IFT80: variants seen among roughly 807,000 people sequenced by gnomAD.
IFT80 encodes intraflagellar transport protein 80 homolog.
Under a neutral mutation model 107.9 loss-of-function variants are expected in IFT80, and 79 were observed. The observed-to-expected ratio is 0.73, with a 90% CI of 0.61 to 0.88. IFT80 has a LOEUF of 0.88. Ranked by LOEUF, IFT80 falls within the 40% of genes least tolerant of loss-of-function variation. The pLI is 0.00. For synonymous variants in IFT80, 299 were observed against 300.9 expected (o/e 0.99, Z 0.07); for missense variants, 797 against 914.2 (o/e 0.87, Z 1.65).
At chr3:160,363,180 C>A (rs968881396) in intron 6 of IFT80, among the ~76,000 whole-genome samples, 5 of 152,154 alleles carry the variant, frequency 3.3e-5, no homozygotes, top group Non-Finnish European at 7.4e-5. Context: ...TCTCAGGATA[C>A]AAAATCAGTA....
At chr3:160,266,721 T>C (rs1160410965) in intron 19 of IFT80, among the ~76,000 whole-genome samples, 1 of 152,150 alleles carries the variant, frequency 6.6e-6, no homozygotes, top group Non-Finnish European at 1.5e-5. Flanking sequence ...GTATCAAATG[T>C]GAATATTGAA....
Position 160,258,334 on chromosome 3 carries a change from A to T in IFT80, c.*191T>A. On this transcript the variant is annotated 3_prime_UTR_variant, in exon 20 of 20. Coordinates refer to ENST00000326448, the MANE Select transcript of IFT80 (RefSeq NM_020800.3). ...ATTTTGCTAATTATTGGACTAAAAAATATAAAAGATAGAAATACATCAATT... is the reference window on the plus strand; with the variant it reads ...ATTTTGCTAATTATTGGACTAAAAATTATAAAAGATAGAAATACATCAATT... 1.4e-6 allele frequency: 1 copy of T among 713,450 alleles called. No individual in the cohort carries two copies. The highest frequency in any genetic ancestry group is 2.3e-6 in the Non-Finnish European group (1 of 439,926). The allele number at this position is 713,450 out of a possible 1,614,324, so 44.2% of individuals were successfully genotyped here. A position where few individuals can be genotyped will look rare whatever the true frequency, so the allele number is the denominator to read the frequency against.
chr3:160,298,776 T>C (rs1217500587), intron 12 of IFT80, among the ~76,000 whole-genome samples: 1 of 152,168 alleles, frequency 6.6e-6, no homozygotes, highest in Non-Finnish European at 1.5e-5. Context: ...TGATATAGCC[T>C]ATTGCTACTA....
intron 12 of IFT80, among the ~76,000 whole-genome samples, chr3:160,291,877 T>A (rs1361717260): frequency 6.6e-6 from 1 of 152,190 alleles, no homozygotes; most frequent in Non-Finnish European, 1.5e-5. Context: ...TACCTCAGGA[T>A]GCCTGCTTGA....
At chr3:160,307,523 G>A (rs537785092) in intron 10 of IFT80, 140 bp downstream of exon 10, 4 of 708,774 alleles carry the variant, frequency 5.6e-6, no homozygotes, top group Admixed American at 2.0e-5. Flanking sequence ...TCTCACTTCC[G>A]GGTTTGAGGT....
rs542463258 is a variant in IFT80 at position 160,349,006 on chromosome 3, G to A, written c.777+7007C>T. Among the ~76,000 whole-genome samples, 4 of 152,232 alleles carry A rather than the reference G, an allele frequency of 2.6e-5. No individual in the cohort carries two copies. The East Asian group carries it at 7.7e-4, about 29-fold the overall frequency. Reference sequence around the variant, plus strand: ...GAAAATGTTCTAAAATTAGAGTTTTGTAACGGTTGCACAACCCTATGAATA... The same window carrying A: ...GAAAATGTTCTAAAATTAGAGTTTTATAACGGTTGCACAACCCTATGAATA... On this transcript the variant is annotated intron_variant, in intron 8 of 19. Transcript: ENST00000326448.
chr3:160,289,468 G>A (rs571795356), intron 12 of IFT80, among the ~76,000 whole-genome samples: 5 of 152,220 alleles, frequency 3.3e-5, no homozygotes, highest in African/African-American at 1.2e-4. Flanking sequence ...GTTTTATTTG[G>A]TTGTTTTTTA....
At position 160,303,269 on chromosome 3, in the gene IFT80, T is replaced by A. The variant is rs551742421; in HGVS notation, c.1151+646A>T. Among the ~76,000 whole-genome samples, 144 of 152,346 alleles carry A rather than the reference T, an allele frequency of 9.5e-4. 2 individuals carry two copies. Among genetic ancestry groups the A allele is most frequent in the Admixed American group, 2.3e-3 (35 of 15,300 alleles). The stretch of plus-strand genomic sequence containing the variant: ...TAAGTCCTCCTCTGATTCAGTAGGC[T>A]ATCACTGTACTCAAGAGACTAATTG... On this transcript the variant is annotated intron_variant, in intron 11 of 19. Transcript: ENST00000326448.
intron 12 of IFT80, among the ~76,000 whole-genome samples, chr3:160,297,485 T>C (rs1395278858): frequency 2.6e-5 from 4 of 152,064 alleles, no homozygotes; most frequent in African/African-American, 9.7e-5. Flanking sequence ...TAACATGAAA[T>C]TTAATTCCAG....
intron 9 of IFT80, among the ~76,000 whole-genome samples, chr3:160,310,995 GAC>G (rs1717203248): frequency 6.6e-6 from 1 of 152,096 alleles, no homozygotes; most frequent in South Asian, 2.1e-4. Flanking sequence ...TGTGGTGGCA[GAC>G]ACCTGTGGTC....
At chr3:160,285,733 A>G in intron 13 of IFT80, 71 bp downstream of exon 13, 2 of 1,039,936 alleles carry the variant, frequency 1.9e-6, no homozygotes, top group Non-Finnish European at 2.9e-6. Context: ...CTTTAAAATG[A>G]AAACATTAAT....
chr3:160,272,891 C>T (rs1327215671), intron 18 of IFT80, among the ~76,000 whole-genome samples: 1 of 152,184 alleles, frequency 6.6e-6, no homozygotes, highest in Non-Finnish European at 1.5e-5. Flanking sequence ...CTGTTCTATA[C>T]ACATATTCAA....
chr3:160,368,160 T>C (rs912984976), intron 5 of IFT80, among the ~76,000 whole-genome samples: 1 of 151,836 alleles, frequency 6.6e-6, no homozygotes, highest in Non-Finnish European at 1.5e-5. Context: ...AATTTAATTG[T>C]TTATTCAAAT....
At chr3:160,380,242 G>C (rs1188324257) in intron 3 of IFT80, among the ~76,000 whole-genome samples, 2 of 151,750 alleles carry the variant, frequency 1.3e-5, no homozygotes, top group Non-Finnish European at 2.9e-5. Flanking sequence ...TCATCATGTT[G>C]CTCAGGCTGG....
rs752430715 is a variant in IFT80, at chr3:160,307,789, A to G, written c.958-8T>C. 4.0e-5 allele frequency: 55 copies of G among 1,364,912 alleles called. 1 individual carries two copies. The South Asian group carries it at 6.4e-4, about 16-fold the overall frequency. The allele number at this position is 1,364,912 out of a possible 1,614,324, so 84.6% of individuals were successfully genotyped here. A position where few individuals can be genotyped will look rare whatever the true frequency, so the allele number is the denominator to read the frequency against. On this transcript the variant is annotated splice_polypyrimidine_tract_variant and splice_region_variant and intron_variant, in intron 9 of 19. Coordinates refer to ENST00000326448, the MANE Select transcript of IFT80 (RefSeq NM_020800.3). ...ATTAAGAACATTACGAACCTAAACA[A>G]GGAAAAATAAAATACCAATAAACAT...
Position 160,280,594 on chromosome 3 carries a change from T to C in IFT80, c.1664+73A>G, listed in dbSNP as rs74759486. On this transcript the variant is annotated intron_variant, in intron 15 of 19. Coordinates refer to ENST00000326448, the MANE Select transcript of IFT80 (RefSeq NM_020800.3). ...GTAAAACACCTTGCAGGATTGAAAA[T>C]AGAAGCCAAAACATGATACTCTATT... The C allele has an allele frequency of 7.2e-4, 952 of 1,318,386 alleles. 2 individuals are homozygous for C. The African/African-American group carries it at 0.011, about 15-fold the overall frequency. The allele number at this position is 1,318,386 out of a possible 1,614,324, so 81.7% of individuals were successfully genotyped here. A position where few individuals can be genotyped will look rare whatever the true frequency, so the allele number is the denominator to read the frequency against.
chr3:160,385,165 T>C (rs181112814), intron 1 of IFT80, among the ~76,000 whole-genome samples: 33 of 152,108 alleles, frequency 2.2e-4, no homozygotes, highest in African/African-American at 7.5e-4. Context: ...ATGTGAAAAA[T>C]AGGTGACTTA....
chr3:160,384,470 A>T, intron 2 of IFT80, 94 bp downstream of exon 2: 1 of 1,373,450 alleles, frequency 7.3e-7, no homozygotes, highest in Non-Finnish European at 9.6e-7. Context: ...TGAAAAAAAA[A>T]ATCTATTCTT....
chr3:160,398,128 A>C (rs1576919783), intron 1 of IFT80, among the ~76,000 whole-genome samples: 1 of 152,164 alleles, frequency 6.6e-6, no homozygotes. Context: ...TGTTTTATGA[A>C]AACAACAATT....
Sources: allele counts gnomAD v4.1 joint callset (sites outside exome capture counted in the v4.1 genomes callset), GRCh38; gene constraint gnomAD v4.1.1; transcripts MANE v1.5; gene names NCBI Gene and HGNC (gene_info 2026-07-23, HGNC 2026-07-21).